The following LARP1B variants were observed in gnomAD, a reference collection of about 807,000 sequenced individuals.
LARP1B encodes La ribonucleoprotein 1B.
In LARP1B, 76 loss-of-function variants were observed where a neutral mutation model predicts 114.2. The observed-to-expected ratio is 0.67, with a 90% CI of 0.55 to 0.81. The LOEUF is 0.81. LARP1B is among the 30% of genes least tolerant of loss of function. The pLI is 0.00. For missense variants in LARP1B, 1,014 were observed against 1,075.8 expected (o/e 0.94, Z 0.80); for synonymous variants, 345 against 348.0 (o/e 0.99, Z 0.10).
intron 10 of LARP1B, among the ~76,000 whole-genome samples, chr4:128,120,747 G>C (rs1014781830): frequency 6.6e-6 from 1 of 151,234 alleles, no homozygotes; most frequent in African/African-American, 2.4e-5. Flanking sequence ...TGGGATTACA[G>C]ATGTGAGCCA....
rs142606572 is a variant in LARP1B at position 128,141,573 on chromosome 4, A to G, written c.1524+19385A>G. On this transcript the variant is annotated intron_variant, in intron 11 of 19. Transcript: ENST00000326639. ...CATTGCATTTACAGTAGTGAAATAT[A>G]CCAGTTTTGTCCAGTACTACTTATA... is the stretch of plus-strand genomic sequence containing the variant. 5.6e-4 allele frequency among the ~76,000 whole-genome samples: 85 copies of G among 152,302 alleles called. 1 individual carries two copies. The highest frequency in any genetic ancestry group is 2.0e-3 in the African/African-American group (82 of 41,560).
Position 128,207,361 on chromosome 4 carries a change from G to A in LARP1B, c.2525G>A (p.Arg842Lys), listed in dbSNP as rs747146600. ...KLQEYLCSFK[R>K]LEDFRVDPPI... ...CAGGAATACCTCTGTAGTTTTAAGAGGTTAGAAGACTTCCGTGTTGATGTA... is the reference window on the plus strand; with the variant it reads ...CAGGAATACCTCTGTAGTTTTAAGAAGTTAGAAGACTTCCGTGTTGATGTA... The change falls in exon 19 of 20, where the codon AGG becomes AAG. Residue 842 changes from arginine to lysine, a missense_variant. Physicochemically the swap from Arg to Lys is conservative, Grantham distance 26. Transcript: ENST00000326639. The A allele has an allele frequency of 3.9e-6, 6 of 1,534,026 alleles. No homozygotes were observed. In the South Asian group the frequency reaches 8.0e-5, roughly 20 times the overall value.
chr4:128,159,096 C>T (rs983809053), intron 11 of LARP1B, among the ~76,000 whole-genome samples: 4 of 151,270 alleles, frequency 2.6e-5, no homozygotes, highest in Admixed American at 2.0e-4. Flanking sequence ...TCACCTGGGC[C>T]CAGGAGTTCA....
At chr4:128,100,162 A>G (rs1277759582) in intron 8 of LARP1B, among the ~76,000 whole-genome samples, 3 of 151,848 alleles carry the variant, frequency 2.0e-5, no homozygotes, top group Non-Finnish European at 2.9e-5. Flanking sequence ...AGATTTCACC[A>G]TGTTGGCCAG....
At chr4:128,121,475 A>G (rs1355285472) in intron 10 of LARP1B, among the ~76,000 whole-genome samples, 1 of 152,262 alleles carries the variant, frequency 6.6e-6, no homozygotes, top group African/African-American at 2.4e-5. Context: ...ATCCACAACC[A>G]GATAATTGGT....
Position 128,122,029 on chromosome 4 carries a change from A to G in LARP1B, c.1365A>G (p.Pro455=). ...AGATTTTGATTGTAACTCAGACACC[A>G]CCTTATGTGAAAAAACATCCTGGAG... ...LNKILIVTQT[P]PYVKKHPGGD... is the part of the protein sequence containing the mutation. Residue 455 remains proline (P), a synonymous_variant, in exon 11 of 20, where the codon CCA becomes CCG. Coordinates refer to ENST00000326639, the MANE Select transcript of LARP1B (RefSeq NM_018078.4). The G allele has an allele frequency of 6.2e-7, 1 of 1,613,884 alleles. No individual in the cohort carries two copies. The highest frequency in any genetic ancestry group is 8.5e-7 in the Non-Finnish European group (1 of 1,179,928).
chr4:128,091,872 T>C lies in LARP1B; in HGVS notation c.668+360T>C, dbSNP rs1167356778. 2.0e-5 allele frequency among the ~76,000 whole-genome samples: 3 copies of C among 152,184 alleles called. No individual in the cohort carries two copies. The East Asian group carries it at 5.8e-4, about 29-fold the overall frequency. On this transcript the variant is annotated intron_variant, in intron 7 of 19. Transcript: ENST00000326639. Reference sequence around the variant, plus strand: ...TTGGCCTCTCAAAGTGCTGGGATTATAGGCGTGAGCCACCATGCCTGGCTG... The same window carrying C: ...TTGGCCTCTCAAAGTGCTGGGATTACAGGCGTGAGCCACCATGCCTGGCTG...
chr4:128,214,620 A>G (rs1266971487), downstream of LARP1B, among the ~76,000 whole-genome samples: 9 of 136,954 alleles, frequency 6.6e-5, no homozygotes, highest in African/African-American at 2.5e-4. Flanking sequence ...CAGAAAGGAC[A>G]TCTACACCGA....
intron 1 of LARP1B, among the ~76,000 whole-genome samples, chr4:128,073,204 A>G (rs1333224796): frequency 1.3e-5 from 2 of 151,950 alleles, no homozygotes; most frequent in African/African-American, 2.4e-5. Flanking sequence ...ACTTGAGGTC[A>G]GGAGTTTGAG....
At chr4:128,065,713 C>T (rs1300713222) in intron 1 of LARP1B, among the ~76,000 whole-genome samples, 1 of 152,086 alleles carries the variant, frequency 6.6e-6, no homozygotes, top group Non-Finnish European at 1.5e-5. Flanking sequence ...TGGATAGACT[C>T]ATTTCCTCTG....
intron 15 of LARP1B, among the ~76,000 whole-genome samples, chr4:128,190,350 T>C (rs1751839523): frequency 1.3e-5 from 2 of 152,200 alleles, no homozygotes. Context: ...TTTTTTTCTC[T>C]TGCTGTTTTA....
chr4:128,095,671 G>T (rs530855591), intron 7 of LARP1B, among the ~76,000 whole-genome samples: 2 of 152,026 alleles, frequency 1.3e-5, no homozygotes, highest in African/African-American at 4.8e-5. Context: ...TTCCCCTTCA[G>T]TAAAAGGTAG....
intron 12 of LARP1B, among the ~76,000 whole-genome samples, chr4:128,176,224 TATATATACATTTATATAA>T (rs1413651154): frequency 6.4e-4 from 92 of 144,100 alleles, no homozygotes; most frequent in Admixed American, 2.0e-3. Flanking sequence ...TATATAAATT[TATATATACATTTATATAA>T]ATATATACAT....
intron 9 of LARP1B, among the ~76,000 whole-genome samples, chr4:128,110,870 TAGA>T (rs1783878791): frequency 6.6e-6 from 1 of 151,686 alleles, no homozygotes; most frequent in African/African-American, 2.4e-5. Flanking sequence ...TACTTCCCAG[TAGA>T]AGTATTTAAG....
intron 15 of LARP1B, among the ~76,000 whole-genome samples, chr4:128,185,693 T>C (rs76609474): frequency 1.9e-4 from 29 of 152,288 alleles, no homozygotes; most frequent in African/African-American, 6.7e-4. Flanking sequence ...TTGCTTGATA[T>C]AATCTCATTA....
Position 128,122,192 on chromosome 4 carries a change from A to G in LARP1B, c.1524+4A>G, listed in dbSNP as rs1788162496. On this transcript the variant is annotated splice_donor_region_variant and intron_variant, in intron 11 of 19. Coordinates refer to ENST00000326639, the MANE Select transcript of LARP1B (RefSeq NM_018078.4). ...AAACAAACACACAGCCATAAAGGTA[A>G]TTGTTTCTGGCCAACATCTTTCTAC... The G allele has an allele frequency of 6.2e-7, 1 of 1,611,048 alleles. No homozygotes were observed. The highest frequency in any genetic ancestry group is 1.1e-5 in the South Asian group (1 of 90,782).
Position 128,194,231 on chromosome 4 carries a change from C to T in LARP1B, c.2004-5208C>T, listed in dbSNP as rs189790927. Among the ~76,000 whole-genome samples the T allele has an allele frequency of 4.0e-3, 612 of 152,110 alleles. 4 individuals carry two copies. The highest frequency in any genetic ancestry group is 0.014 in the African/African-American group (587 of 41,540). Reference sequence around the variant, plus strand: ...GGGATTACAGGTGCCCGCTACCACACCCGGCTAATTTTTGTATTTTAATAG... The same window carrying T: ...GGGATTACAGGTGCCCGCTACCACATCCGGCTAATTTTTGTATTTTAATAG... On this transcript the variant is annotated intron_variant, in intron 15 of 19. Coordinates refer to ENST00000326639, the MANE Select transcript of LARP1B (RefSeq NM_018078.4).
intron 15 of LARP1B, among the ~76,000 whole-genome samples, chr4:128,187,117 A>C (rs1308886648): frequency 1.3e-5 from 2 of 152,230 alleles, no homozygotes; most frequent in Admixed American, 1.3e-4. Flanking sequence ...CAGAGAGGAA[A>C]TGTGGGGTTG....
At chr4:128,070,738 C>A (rs544933542) in intron 1 of LARP1B, among the ~76,000 whole-genome samples, 4 of 151,452 alleles carry the variant, frequency 2.6e-5, no homozygotes, top group Non-Finnish European at 5.9e-5. Flanking sequence ...CCAAGGTGAC[C>A]GGGGTTTGAG....
Sources: gnomAD v4.1 joint callset for allele counts (sites outside exome capture counted in the v4.1 genomes callset) on GRCh38, gnomAD v4.1.1 for gene constraint, MANE v1.5 for transcripts, NCBI Gene and HGNC (gene_info 2026-07-23, HGNC 2026-07-21) for gene names.